DCAF6: variants seen among roughly 807,000 people sequenced by gnomAD.
DCAF6 encodes DDB1- and CUL4-associated factor 6.
A neutral mutation model predicts 125.1 loss-of-function variants in DCAF6; 54 were observed. The observed-to-expected ratio is 0.43, with a 90% confidence interval of 0.35 to 0.54. The LOEUF (loss-of-function observed/expected upper bound fraction) is 0.54, where lower values mean the gene tolerates loss of function less well. DCAF6 is among the 20% of genes least tolerant of loss of function. DCAF6 has a pLI of 0.01. For missense variants in DCAF6, 934 were observed against 1,161.7 expected, an observed-to-expected ratio of 0.80 and a Z score of 2.85; for synonymous variants, 371 against 390.4, an observed-to-expected ratio of 0.95 and a Z score of 0.58.
chr1:168,053,168 T>C (rs1267667949), intron 17 of DCAF6, among the ~76,000 whole-genome samples: 1 of 152,212 alleles, frequency 6.6e-6, no homozygotes, highest in East Asian at 1.9e-4. Flanking sequence ...CTGGCCCATA[T>C]ATTCCCTAAT....
chr1:167,874,835 T>C, the DCAF6 span, among the ~76,000 whole-genome samples: 3 of 152,324 alleles, frequency 2.0e-5, no homozygotes, highest in East Asian at 5.8e-4. Flanking sequence ...TTATATAACA[T>C]ACCATTGAGT....
rs143429586 is a variant in DCAF6 at position 167,992,385 on chromosome 1, A to T, written c.689-841A>T. ...ATGTCAGTAAAGATGGACATAGATT[A>T]TTGAGATGGGAATACCAGATGAGAT... On this transcript the variant is annotated intron_variant, in intron 6 of 21. Coordinates refer to ENST00000367840, the MANE Select transcript of DCAF6 (RefSeq NM_001198956.2). Among the ~76,000 whole-genome samples the T allele has an allele frequency of 3.5e-3, 528 of 152,310 alleles. 3 individuals carry two copies. The highest frequency in any genetic ancestry group is 5.5e-3 in the Non-Finnish European group (375 of 68,020).
intron 12 of DCAF6, among the ~76,000 whole-genome samples, chr1:168,027,655 A>G (rs778396497): frequency 1.4e-4 from 22 of 152,094 alleles, no homozygotes; most frequent in Non-Finnish European, 2.2e-4. Context: ...TAGCATTTTC[A>G]TAGATTTCTT....
At chr1:167,947,858 A>G (rs1673308947) in intron 1 of DCAF6, among the ~76,000 whole-genome samples, 1 of 152,176 alleles carries the variant, frequency 6.6e-6, no homozygotes, top group Admixed American at 6.5e-5. Context: ...GTTGGATAGA[A>G]TGTTTTGTAA....
At chr1:167,937,926 C>T (rs944259188) in intron 1 of DCAF6, among the ~76,000 whole-genome samples, 6 of 152,092 alleles carry the variant, frequency 3.9e-5, no homozygotes, top group Non-Finnish European at 7.4e-5. Flanking sequence ...AGTTTTGCCA[C>T]TTGCTAGTTA....
chr1:167,901,939 T>A, the DCAF6 span: 2 of 1,606,398 alleles, frequency 1.2e-6, no homozygotes, highest in South Asian at 1.1e-5. Context: ...CTAGGATGCC[T>A]CCTTTGTCCC....
the DCAF6 span, among the ~76,000 whole-genome samples, chr1:167,918,970 C>T: frequency 2.0e-5 from 3 of 152,100 alleles, no homozygotes; most frequent in Non-Finnish European, 2.9e-5. Context: ...TATTCTCATT[C>T]TGGAATTCTA....
chr1:167,864,637 TAGAG>T, the DCAF6 span, among the ~76,000 whole-genome samples: 15 of 151,066 alleles, frequency 9.9e-5, no homozygotes, highest in African/African-American at 3.7e-4. Flanking sequence ...GAAAGAAAAA[TAGAG>T]AGAAATATCC....
chr1:168,019,547 C>A (rs759116782), intron 11 of DCAF6: 6 of 456,042 alleles, frequency 1.3e-5, no homozygotes, highest in Non-Finnish European at 1.8e-5. Context: ...CATTTCAGGT[C>A]CCCTGAAGTC....
In DCAF6 at chr1:168,002,464, C is replaced by T; in HGVS notation, c.904-18C>T. The T allele has an allele frequency of 6.2e-7, 1 of 1,608,268 alleles. No individual in the cohort carries two copies. Among genetic ancestry groups the T allele is most frequent in the Non-Finnish European group, 8.5e-7 (1 of 1,175,368 alleles). On this transcript the variant is annotated intron_variant, in intron 7 of 21. Transcript: ENST00000367840. ...GAGTTTTAGACTTACATAGAATTTACCCGTTCTTATTTTTTAGTTGCGACA... is the reference window on the plus strand; with the variant it reads ...GAGTTTTAGACTTACATAGAATTTATCCGTTCTTATTTTTTAGTTGCGACA...
At chr1:167,979,190 AC>A (rs1460128524) in intron 4 of DCAF6, among the ~76,000 whole-genome samples, 1 of 152,138 alleles carries the variant, frequency 6.6e-6, no homozygotes, top group Non-Finnish European at 1.5e-5. Context: ...TTTTGTGTTA[AC>A]ATAATTTATT....
intron 16 of DCAF6, among the ~76,000 whole-genome samples, chr1:168,045,615 T>C (rs1024154524): frequency 3.3e-5 from 5 of 152,204 alleles, no homozygotes; most frequent in African/African-American, 1.2e-4. Flanking sequence ...GTTAATTTTT[T>C]CTGCTTTTCT....
At chr1:168,063,824 A>C in intron 18 of DCAF6, 65 bp downstream of exon 18, 1 of 1,492,792 alleles carries the variant, frequency 6.7e-7, no homozygotes, top group Non-Finnish European at 9.1e-7. Context: ...TTTTTCCATA[A>C]TGATTTATCT....
the DCAF6 span, among the ~76,000 whole-genome samples, chr1:167,868,091 T>C: frequency 6.6e-6 from 1 of 152,186 alleles, no homozygotes; most frequent in Non-Finnish European, 1.5e-5. Context: ...TCGTAAACTC[T>C]CTCCGGAACC....
At chr1:167,993,664 G>A (rs1393545813) in intron 7 of DCAF6, among the ~76,000 whole-genome samples, 2 of 152,054 alleles carry the variant, frequency 1.3e-5, no homozygotes, top group Non-Finnish European at 2.9e-5. Context: ...CAGCAGAATC[G>A]CTTGAACCCG....
chr1:168,044,453 A>G, intron 14 of DCAF6, 132 bp from the exon 15 acceptor site: 4 of 671,598 alleles, frequency 6.0e-6, no homozygotes, highest in Non-Finnish European at 1.1e-5. Flanking sequence ...AAGGGTATGC[A>G]TAGGTTATAT....
the DCAF6 span, chr1:167,905,110 A>T: frequency 6.2e-7 from 1 of 1,614,250 alleles, no homozygotes; most frequent in South Asian, 1.1e-5. Context: ...ACTATGGGCC[A>T]GTCCTGGAAT....
At chr1:167,895,605 A>G in the DCAF6 span, among the ~76,000 whole-genome samples, 5 of 152,318 alleles carry the variant, frequency 3.3e-5, no homozygotes, top group South Asian at 1.0e-3. Context: ...GAAGTCGCCC[A>G]TAGGTAGGGT....
the DCAF6 span, among the ~76,000 whole-genome samples, chr1:167,923,094 A>ATTG: frequency 6.6e-5 from 10 of 152,194 alleles, no homozygotes; most frequent in African/African-American, 2.4e-4. Context: ...AAATTAGAAC[A>ATTG]CTTATGAATT....
Sources: allele counts gnomAD v4.1 joint callset (sites outside exome capture counted in the v4.1 genomes callset), GRCh38; gene constraint gnomAD v4.1.1; transcripts MANE v1.5; gene names NCBI Gene and HGNC (gene_info 2026-07-23, HGNC 2026-07-21).